RPH3A: variants seen among roughly 807,000 people sequenced by gnomAD.
RPH3A encodes the protein rabphilin 3A, also known as rabphilin-3A.
RPH3A carries 48 observed loss-of-function variants against 102.2 expected under a neutral mutation model. The ratio of observed to expected loss-of-function variants is 0.47; its 90% CI spans 0.37 to 0.60. The LOEUF is 0.60. Among genes scored for constraint, RPH3A ranks in the 20% least tolerant of loss-of-function variants. RPH3A has a pLI of 0.00. For synonymous variants in RPH3A, 310 were observed against 324.3 expected (o/e 0.96, Z 0.47); for missense variants, 781 against 910.1 (o/e 0.86, Z 1.83).
chr12:112,816,450 G>T, intron 2 of RPH3A, among the ~76,000 whole-genome samples: 1 of 152,208 alleles, frequency 6.6e-6, no homozygotes, highest in East Asian at 1.9e-4. Flanking sequence ...GATGTCTTCA[G>T]AGCTGGGACC....
chr12:112,793,741 A>C (rs1413782516), intron 2 of RPH3A, among the ~76,000 whole-genome samples: 1 of 152,172 alleles, frequency 6.6e-6, no homozygotes, highest in African/African-American at 2.4e-5. Context: ...TATGGGTGAT[A>C]TTTAAAGTAT....
Position 112,729,467 on chromosome 12 carries a change from TGA to T in RPH3A, c.-139-62674_-139-62673del, listed in dbSNP as rs532458230. 1.4e-4 allele frequency among the ~76,000 whole-genome samples: 22 copies of T among 152,312 alleles called. No homozygotes were observed. The South Asian group carries it at 3.7e-3, about 26-fold the overall frequency. ...TCCCAAAGTGCTAGGATTACAGGCA[TGA>T]GCCGCTGCACTCGGCATACAAAGGG... On this transcript the variant is annotated intron_variant, in intron 1 of 21. Transcript: ENST00000543106.
intron 1 of RPH3A, among the ~76,000 whole-genome samples, chr12:112,775,418 T>C (rs1162430752): frequency 6.6e-6 from 1 of 152,176 alleles, no homozygotes; most frequent in Non-Finnish European, 1.5e-5. Context: ...CAGGGATGAC[T>C]ACTTTGAGGG....
intron 1 of RPH3A, among the ~76,000 whole-genome samples, chr12:112,576,816 CCCTGAG>C (rs2039362215): frequency 6.6e-6 from 1 of 151,094 alleles, no homozygotes; most frequent in Non-Finnish European, 1.5e-5. Flanking sequence ...GGCCCTGGGG[CCCTGAG>C]CTATTCCCTC....
At chr12:112,819,793 C>T (rs2041745408) in intron 2 of RPH3A, among the ~76,000 whole-genome samples, 1 of 152,218 alleles carries the variant, frequency 6.6e-6, no homozygotes, top group African/African-American at 2.4e-5. Context: ...GGCCTCTTGC[C>T]TTATGATTGC....
chr12:112,714,782 A>G (rs4766995), intron 1 of RPH3A, among the ~76,000 whole-genome samples: 61,126 of 151,982 alleles, frequency 0.4, 12,753 homozygotes, highest in South Asian at 0.57. Flanking sequence ...CAGGAAAAGT[A>G]CTATGGTTGA....
At chr12:112,787,156 C>A (rs1432012548), upstream of RPH3A, among the ~76,000 whole-genome samples, 1 of 152,142 alleles carries the variant, frequency 6.6e-6, no homozygotes, top group Non-Finnish European at 1.5e-5. Flanking sequence ...TGGATTCACC[C>A]AAATAGCCCA....
At chr12:112,591,982 T>C (rs989077069) in intron 1 of RPH3A, among the ~76,000 whole-genome samples, 2 of 152,208 alleles carry the variant, frequency 1.3e-5, no homozygotes, top group African/African-American at 2.4e-5. Flanking sequence ...AATGGTGTAG[T>C]ATTCGCATGT....
At chr12:112,895,197 G>A (rs983146099) in intron 20 of RPH3A, among the ~76,000 whole-genome samples, 4 of 152,202 alleles carry the variant, frequency 2.6e-5, no homozygotes, top group African/African-American at 9.6e-5. Context: ...CCACCTCCCT[G>A]GTTCAAGCAA....
intron 1 of RPH3A, among the ~76,000 whole-genome samples, chr12:112,724,855 G>C (rs1273429390): frequency 1.3e-5 from 2 of 152,132 alleles, no homozygotes; most frequent in African/African-American, 2.4e-5. Flanking sequence ...TGTAGTCCCA[G>C]CTACTAGGGA....
intron 1 of RPH3A, among the ~76,000 whole-genome samples, chr12:112,712,904 C>CTATTCTTCT (rs2040475211): frequency 1.1e-5 from 1 of 92,542 alleles, no homozygotes; most frequent in South Asian, 4.3e-4. Flanking sequence ...CTTCTTCTTC[C>CTATTCTTCT]TCTTCTTCTT....
At chr12:112,834,580 G>C (rs1188071882) in intron 3 of RPH3A, among the ~76,000 whole-genome samples, 2 of 152,134 alleles carry the variant, frequency 1.3e-5, no homozygotes, top group African/African-American at 4.8e-5. Context: ...GAGAGTTCCA[G>C]CTTCCCTACC....
intron 10 of RPH3A, 91 bp from the exon 11 acceptor site, chr12:112,874,993 C>A: frequency 9.4e-7 from 1 of 1,063,640 alleles, no homozygotes; most frequent in South Asian, 1.6e-5. Context: ...CCAAGGGGCT[C>A]ACCCCACACC....
chr12:112,801,749 T>C (rs574188644), intron 2 of RPH3A, among the ~76,000 whole-genome samples: 1 of 152,286 alleles, frequency 6.6e-6, no homozygotes, highest in South Asian at 2.1e-4. Flanking sequence ...CTTGCCCGCC[T>C]CTTCCTCCAT....
At chr12:112,860,734 TGA>T (rs1419627593) in intron 5 of RPH3A, among the ~76,000 whole-genome samples, 2 of 152,210 alleles carry the variant, frequency 1.3e-5, no homozygotes, top group Non-Finnish European at 2.9e-5. Flanking sequence ...TAGCTGTGGC[TGA>T]GTGACCCAGG....
At chr12:112,712,189 A>G (rs756793286) in intron 1 of RPH3A, among the ~76,000 whole-genome samples, 1 of 152,130 alleles carries the variant, frequency 6.6e-6, no homozygotes, top group South Asian at 2.1e-4. Flanking sequence ...GCTGTATTTA[A>G]TTGGAGTTAA....
At chr12:112,773,807 A>G (rs1053728714) in intron 1 of RPH3A, among the ~76,000 whole-genome samples, 2 of 152,130 alleles carry the variant, frequency 1.3e-5, no homozygotes, top group Admixed American at 1.3e-4. Context: ...GGGGCCAGGC[A>G]TGGTGGCTCA....
chr12:112,776,890 A>C (rs1485430406), intron 1 of RPH3A, among the ~76,000 whole-genome samples: 6 of 147,172 alleles, frequency 4.1e-5, no homozygotes, highest in African/African-American at 1.5e-4. Flanking sequence ...AAAAAAAAAA[A>C]AAAAAAAAAA....
Position 112,891,064 on chromosome 12 carries a change from G to A in RPH3A, c.1775+61G>A. ...AAGGAGTCCTGGAGCCTTGGAAAAG[G>A]AGAACCAGACAGTTTCACCAAGATC... On this transcript the variant is annotated intron_variant, in intron 19 of 21. Coordinates refer to ENST00000389385, the MANE Select transcript of RPH3A (RefSeq NM_001143854.2). 19 of 1,585,492 alleles carry A rather than the reference G, an allele frequency of 1.2e-5. No homozygotes were observed. In the South Asian group the frequency reaches 2.2e-4, roughly 18 times the overall value.
Sources: allele counts gnomAD v4.1 joint callset (sites outside exome capture counted in the v4.1 genomes callset), GRCh38; gene constraint gnomAD v4.1.1; transcripts MANE v1.5; gene names NCBI Gene and HGNC (gene_info 2026-07-23, HGNC 2026-07-21).